Variants in GIMAP2 observed in about 807,000 individuals in gnomAD.
GIMAP2 encodes the protein GTPase IMAP family member 2.
GIMAP2 carries 22 observed loss-of-function variants against 25.5 expected under a neutral mutation model. That is an observed-to-expected ratio of 0.86 (90% CI 0.62 to 1.23). The LOEUF (loss-of-function observed/expected upper bound fraction) is 1.23, where lower values mean the gene tolerates loss of function less well. GIMAP2 is among the 50% of genes most tolerant of loss of function. GIMAP2 has a pLI of 0.00. For synonymous variants in GIMAP2, 167 were observed against 143.0 expected, an observed-to-expected ratio of 1.17 and a Z score of -1.20; for missense variants, 422 against 395.7, an observed-to-expected ratio of 1.07 and a Z score of -0.56.
At chr7:150,688,918 C>T (rs1297007590) in intron 2 of GIMAP2, among the ~76,000 whole-genome samples, 1 of 152,254 alleles carries the variant, frequency 6.6e-6, no homozygotes, top group Admixed American at 6.5e-5. Context: ...CTCCCACCCT[C>T]ATGGCACCCC....
Position 150,692,486 on chromosome 7 carries a change from G to T in GIMAP2, c.200G>T (p.Ser67Ile), listed in dbSNP as rs143364322. 5.4e-3 allele frequency: 8,777 copies of T among 1,614,194 alleles called. 38 individuals are homozygous for T. The highest frequency in any genetic ancestry group is 6.8e-3 in the Non-Finnish European group (8,025 of 1,180,008). Residue 67 changes from serine to isoleucine, a missense_variant, in exon 3 of 3, where the codon AGC (serine) becomes ATC (isoleucine). Coordinates refer to ENST00000223293, the MANE Select transcript of GIMAP2 (RefSeq NM_015660.3). ...LTKTCSKSQG[S>I]WGNREIVIID... ...AAGACTTGCAGCAAAAGTCAGGGAAGCTGGGGAAATAGAGAGATTGTCATT... is the reference window on the plus strand; with the variant it reads ...AAGACTTGCAGCAAAAGTCAGGGAATCTGGGGAAATAGAGAGATTGTCATT...
In GIMAP2 at chr7:150,688,549, G is replaced by A. The variant is rs113740635; in HGVS notation, c.28+1462G>A. On this transcript the variant is annotated intron_variant, in intron 2 of 2. Transcript: ENST00000223293. Reference sequence around the variant, plus strand: ...ATCAGGTGTTGTACTGTTCGGTGCCGTCTAACATCAAACTTACATTCAATT... The same window carrying A: ...ATCAGGTGTTGTACTGTTCGGTGCCATCTAACATCAAACTTACATTCAATT... Among the ~76,000 whole-genome samples the A allele has an allele frequency of 8.0e-4, 122 of 152,260 alleles. 1 individual carries two copies. Among genetic ancestry groups the A allele is most frequent in the African/African-American group, 1.4e-3 (59 of 41,532 alleles).
intron 2 of GIMAP2, chr7:150,689,637 T>C (rs1796943697): frequency 1.5e-6 from 1 of 666,900 alleles, no homozygotes; most frequent in Admixed American, 2.1e-5. Flanking sequence ...ATTGCATGTC[T>C]ACTGTGAGGC....
chr7:150,688,812 T>C (rs1234354), intron 2 of GIMAP2, among the ~76,000 whole-genome samples: 41,711 of 152,136 alleles, frequency 0.27, 6,258 homozygotes, highest in Middle Eastern at 0.38. Flanking sequence ...CACCCTCCAC[T>C]GTGCGAGAAC....
At chr7:150,691,112 T>G (rs1796961866) in intron 2 of GIMAP2, among the ~76,000 whole-genome samples, 1 of 152,154 alleles carries the variant, frequency 6.6e-6, no homozygotes, top group Non-Finnish European at 1.5e-5. Flanking sequence ...CTCATATAGG[T>G]CAAATGTTCC....
At position 150,693,379 on chromosome 7, in the gene GIMAP2, G is replaced by A. The variant is rs1332702386; in HGVS notation, c.*79G>A. On this transcript the variant is annotated 3_prime_UTR_variant, in exon 3 of 3. Transcript: ENST00000223293. ...AATTTCCCTGTAAAATGTGGTACCT[G>A]AAGTCATATTTGAGATTCTATGAAA... 2.2e-6 allele frequency: 2 copies of A among 904,970 alleles called. No individual in the cohort carries two copies. The highest frequency in any genetic ancestry group is 2.5e-5 in the East Asian group (1 of 39,676). The allele number at this position is 904,970 out of a possible 1,614,324, so 56.1% of individuals were successfully genotyped here. A position where few individuals can be genotyped will look rare whatever the true frequency, so the allele number is the denominator to read the frequency against.
At chr7:150,690,835 A>G in intron 2 of GIMAP2, among the ~76,000 whole-genome samples, 1 of 152,244 alleles carries the variant, frequency 6.6e-6, no homozygotes, top group Non-Finnish European at 1.5e-5. Context: ...AAGACAATCT[A>G]AACTAAGCAA....
At chr7:150,691,664 T>A (rs1796966548) in intron 2 of GIMAP2, among the ~76,000 whole-genome samples, 1 of 152,226 alleles carries the variant, frequency 6.6e-6, no homozygotes, top group African/African-American at 2.4e-5. Context: ...CCAGGTCACT[T>A]GGCCCACATT....
At position 150,692,375 on chromosome 7, in the gene GIMAP2, A is replaced by G; in HGVS notation, c.89A>G (p.Lys30Arg). 1.9e-6 allele frequency: 3 copies of G among 1,614,210 alleles called. No homozygotes were observed. The South Asian group carries it at 3.3e-5, about 18-fold the overall frequency. Residue 30 changes from lysine (K) to arginine (R), a missense_variant, in exon 3 of 3, where the codon AAA becomes AGA. Physicochemically the swap from Lys to Arg is conservative, Grantham distance 26. Transcript: ENST00000223293. The part of the protein sequence containing the change: ...RSELRIILVG[K>R]TGTGKSAAGN... ...GAGCTGAGAATCATCCTGGTGGGCA[A>G]AACAGGAACTGGCAAAAGTGCTGCA...
At position 150,693,580 on chromosome 7, in the gene GIMAP2, TA is replaced by T. The variant is rs1187241089; in HGVS notation, c.*281del. 1.8e-4 allele frequency: 53 copies of T among 295,602 alleles called. No individual in the cohort carries two copies. The Admixed American group carries it at 1.9e-3, about 11-fold the overall frequency. 18.3% of individuals were successfully genotyped at this position (295,602 alleles called of 1,614,324 possible). On this transcript the variant is annotated 3_prime_UTR_variant, in exon 3 of 3. Coordinates refer to ENST00000223293, the MANE Select transcript of GIMAP2 (RefSeq NM_015660.3). ...TAAAATCTCATTTTCTTCTTTCTAG[TA>T]CTACTATTTCTACTGAATATAATGA...
Position 150,692,911 on chromosome 7 carries a change from A to G in GIMAP2, c.625A>G (p.Lys209Glu). Residue 209 changes from lysine (K) to glutamate (E), a missense_variant, in exon 3 of 3, where the codon AAA (lysine) becomes GAA (glutamate). Physicochemically the swap from Lys to Glu is moderately conservative, Grantham distance 56. Transcript: ENST00000223293. The stretch of plus-strand genomic sequence containing the variant: ...CTGTATTGAGGATCTGTTGATGGAG[A>G]AAAATGGTGATCACTATACCAATGG... ...MDCIEDLLME[K>E]NGDHYTNGLY... 1 of 1,614,056 alleles carries G rather than the reference A, an allele frequency of 6.2e-7. No individual in the cohort carries two copies. Among genetic ancestry groups the G allele is most frequent in the Non-Finnish European group, 8.5e-7 (1 of 1,179,874 alleles).
At chr7:150,686,354 A>G (rs1229291557) in intron 1 of GIMAP2, among the ~76,000 whole-genome samples, 3 of 152,164 alleles carry the variant, frequency 2.0e-5, no homozygotes, top group Non-Finnish European at 4.4e-5. Flanking sequence ...CAAGGTGGGA[A>G]AAGAAAGAGA....
At chr7:150,686,123 G>A (rs920021364) in intron 1 of GIMAP2, among the ~76,000 whole-genome samples, 4 of 152,256 alleles carry the variant, frequency 2.6e-5, no homozygotes, top group Non-Finnish European at 5.9e-5. Context: ...AAAACGTACC[G>A]ATATTTCTCA....
In GIMAP2 at chr7:150,692,604, C is replaced by G. The variant is rs1341512631; in HGVS notation, c.318C>G (p.Pro106=). The stretch of plus-strand genomic sequence containing the variant: ...GCTACTTGCTGTCTGCACCAGGACC[C>G]CATGTGCTGCTCCTGGTGACTCAGC... ...QRCYLLSAPG[P]HVLLLVTQLG... is the part of the protein sequence containing the mutation. Residue 106 remains proline (P), a synonymous_variant, in exon 3 of 3, where the codon CCC becomes CCG. Transcript: ENST00000223293. 6.2e-7 allele frequency: 1 copy of G among 1,613,996 alleles called. No individual in the cohort carries two copies. The highest frequency in any genetic ancestry group is 8.5e-7 in the Non-Finnish European group (1 of 1,179,884).
Position 150,692,645 on chromosome 7 carries a change from C to G in GIMAP2, c.359C>G (p.Ser120Ter), listed in dbSNP as rs775889884. ...LLVTQLGRYT[S>*]QDQQAAQRVK... is the part of the protein sequence containing the mutation. Reference sequence around the variant, plus strand: ...GTGACTCAGCTGGGCCGCTATACCTCACAGGACCAGCAGGCTGCACAGAGG... The same window carrying G: ...GTGACTCAGCTGGGCCGCTATACCTGACAGGACCAGCAGGCTGCACAGAGG... Residue 120 changes from serine to a stop codon, truncating the protein, a stop_gained, in exon 3 of 3, where the codon TCA (serine) becomes TGA (stop). Coordinates refer to ENST00000223293, the MANE Select transcript of GIMAP2 (RefSeq NM_015660.3). LOFTEE classifies it high-confidence loss of function. 1.2e-6 allele frequency: 2 copies of G among 1,614,224 alleles called. No homozygotes were observed. The highest frequency in any genetic ancestry group is 1.7e-6 in the Non-Finnish European group (2 of 1,180,026).
At chr7:150,689,913 A>G (rs957833746) in intron 2 of GIMAP2, among the ~76,000 whole-genome samples, 4 of 145,098 alleles carry the variant, frequency 2.8e-5, no homozygotes, top group African/African-American at 7.7e-5. Flanking sequence ...CCATGGGTAA[A>G]AAGGTTGACA....
rs562799215 is a variant in GIMAP2, at chr7:150,690,892, A to T, written c.29-1423A>T. On this transcript the variant is annotated intron_variant, in intron 2 of 2. Coordinates refer to ENST00000223293, the MANE Select transcript of GIMAP2 (RefSeq NM_015660.3). The stretch of plus-strand genomic sequence containing the variant: ...TCTTCACCACTGCATGCTGCCTCTC[A>T]GAAAGCTCATTTTCTTTGTACAGTC... Among the ~76,000 whole-genome samples the T allele has an allele frequency of 5.3e-5, 8 of 152,342 alleles. No homozygotes were observed. In the East Asian group the frequency reaches 1.5e-3, roughly 29 times the overall value.
intron 2 of GIMAP2, 98 bp downstream of exon 2, chr7:150,687,185 TAAAC>T (rs1796913844): frequency 9.5e-7 from 1 of 1,051,764 alleles, no homozygotes; most frequent in Non-Finnish European, 1.4e-6. Context: ...TGGGGCAAAA[TAAAC>T]AAGGGTGAAG....
rs752453732 is a variant in GIMAP2, at chr7:150,692,777, A to G, written c.491A>G (p.Asp164Gly). ...GSLMDYMHDS[D>G]NKALSKLVAA... ...CTGATGGATTACATGCACGACTCAG[A>G]TAACAAAGCCCTAAGCAAGCTGGTG... The change falls in exon 3 of 3, where the codon GAT (aspartate) becomes GGT (glycine). Residue 164 changes from aspartate to glycine, a missense_variant. Transcript: ENST00000223293. The G allele has an allele frequency of 2.0e-5, 33 of 1,614,118 alleles. No homozygotes were observed. The highest frequency in any genetic ancestry group is 3.3e-5 in the South Asian group (3 of 91,094).
Sources: gnomAD v4.1 joint callset for allele counts (sites outside exome capture counted in the v4.1 genomes callset) on GRCh38, gnomAD v4.1.1 for gene constraint, MANE v1.5 for transcripts, NCBI Gene and HGNC (gene_info 2026-07-23, HGNC 2026-07-21) for gene names.